ADAMTSL1: variants seen among roughly 807,000 people sequenced by gnomAD.
ADAMTSL1 encodes the protein ADAMTS like 1.
ADAMTSL1 carries 126 observed loss-of-function variants against 201.8 expected under a neutral mutation model. The ratio of observed to expected loss-of-function variants is 0.62; its 90% CI spans 0.54 to 0.72. The LOEUF (loss-of-function observed/expected upper bound fraction) is 0.72. Ranked by LOEUF, ADAMTSL1 falls within the 30% of genes least tolerant of loss-of-function variation. The pLI is 0.00. For missense variants in ADAMTSL1, 2,679 were observed against 2,277.8 expected, an observed-to-expected ratio of 1.18 and a Z score of -3.59; for synonymous variants, 1,121 against 903.4, an observed-to-expected ratio of 1.24 and a Z score of -4.32.
chr9:18,803,638 G>A (rs1822933979), intron 20 of ADAMTSL1, among the ~76,000 whole-genome samples: 1 of 152,078 alleles, frequency 6.6e-6, no homozygotes, highest in South Asian at 2.1e-4. Flanking sequence ...ACTTTCTCAC[G>A]ATTTTAGAGA....
chr9:17,989,698 C>T lies in ADAMTSL1; in HGVS notation c.87+82776C>T, dbSNP rs148460726. On this transcript the variant is annotated intron_variant, in intron 1 of 29. Coordinates refer to the ADAMTSL1 transcript ENST00000680146. ...GTATTATCACTTTTTAAAATATTTG[C>T]CACTTTCGTAGGCAAAATATTTACT... Among the ~76,000 whole-genome samples the T allele has an allele frequency of 2.0e-5, 3 of 151,998 alleles. No individual in the cohort carries two copies. In the East Asian group the frequency reaches 5.8e-4, roughly 29 times the overall value.
intron 1 of ADAMTSL1, among the ~76,000 whole-genome samples, chr9:18,127,748 T>C (rs1239558866): frequency 6.6e-6 from 1 of 152,110 alleles, no homozygotes; most frequent in Non-Finnish European, 1.5e-5. Context: ...TGTGTGTTGG[T>C]TTGGCAGCAC....
rs145930253 is a variant in ADAMTSL1 at position 18,376,124 on chromosome 9, G to T, written c.208-128705G>T. ...TCTTCTGTTCCAGAAATAATATTCTGCAGAAACTTCCCATGCAGTAAATAA... is the reference window on the plus strand; with the variant it reads ...TCTTCTGTTCCAGAAATAATATTCTTCAGAAACTTCCCATGCAGTAAATAA... On this transcript the variant is annotated intron_variant, in intron 2 of 29. Coordinates refer to the ADAMTSL1 transcript ENST00000680146. Among the ~76,000 whole-genome samples the T allele has an allele frequency of 1.9e-3, 292 of 152,272 alleles. 3 individuals are homozygous for T. The highest frequency in any genetic ancestry group is 6.7e-3 in the African/African-American group (277 of 41,546).
intron 2 of ADAMTSL1, among the ~76,000 whole-genome samples, chr9:18,325,267 C>T (rs1834785651): frequency 6.6e-6 from 1 of 152,216 alleles, no homozygotes; most frequent in African/African-American, 2.4e-5. Flanking sequence ...GAAAACATAA[C>T]ATCCACAAAA....
At chr9:18,642,522 C>G (rs1365297472) in intron 7 of ADAMTSL1, among the ~76,000 whole-genome samples, 1 of 151,820 alleles carries the variant, frequency 6.6e-6, no homozygotes, top group Non-Finnish European at 1.5e-5. Context: ...AGGTAGATCT[C>G]CTGAACTTAT....
intron 4 of ADAMTSL1, among the ~76,000 whole-genome samples, chr9:18,605,615 A>G (rs1824960199): frequency 6.6e-6 from 1 of 152,182 alleles, no homozygotes; most frequent in Admixed American, 6.5e-5. Flanking sequence ...CAGGCCTCAG[A>G]TGAGTTTCCC....
At chr9:18,033,612 CCTTTG>C (rs1437001042) in intron 1 of ADAMTSL1, among the ~76,000 whole-genome samples, 10 of 152,182 alleles carry the variant, frequency 6.6e-5, no homozygotes, top group Non-Finnish European at 1.3e-4. Context: ...TGGTAACCAT[CCTTTG>C]ATACAGAAAT....
chr9:18,121,944 C>G (rs1430914205), intron 1 of ADAMTSL1, among the ~76,000 whole-genome samples: 1 of 152,134 alleles, frequency 6.6e-6, no homozygotes, highest in African/African-American at 2.4e-5. Flanking sequence ...CAGCCCCTAG[C>G]CACCACTGAC....
At chr9:18,278,666 T>C (rs557336008) in intron 2 of ADAMTSL1, among the ~76,000 whole-genome samples, 2 of 152,316 alleles carry the variant, frequency 1.3e-5, no homozygotes, top group East Asian at 3.9e-4. Context: ...TTGAGTTCTT[T>C]TGGGCTTCAT....
At chr9:18,299,859 C>G (rs1833630512) in intron 2 of ADAMTSL1, among the ~76,000 whole-genome samples, 1 of 152,158 alleles carries the variant, frequency 6.6e-6, no homozygotes, top group Non-Finnish European at 1.5e-5. Context: ...TTTCAAAATA[C>G]CAGGAAAGTC....
At chr9:18,305,517 G>A (rs567978151) in intron 2 of ADAMTSL1, among the ~76,000 whole-genome samples, 1 of 152,280 alleles carries the variant, frequency 6.6e-6, no homozygotes, top group South Asian at 2.1e-4. Context: ...CAAGCTTGGT[G>A]GGGGGAGGGG....
At chr9:18,531,261 C>G (rs1387475237) in intron 2 of ADAMTSL1, among the ~76,000 whole-genome samples, 1 of 152,190 alleles carries the variant, frequency 6.6e-6, no homozygotes, top group East Asian at 1.9e-4. Context: ...CCAGATCACT[C>G]TTGGCAAGTA....
rs1830120105 is a variant in ADAMTSL1 at position 18,903,438 on chromosome 9, T to A, written c.4852-2344T>A. Among the ~76,000 whole-genome samples the A allele has an allele frequency of 2.0e-5, 3 of 152,198 alleles. No individual in the cohort carries two copies. In the South Asian group the frequency reaches 6.2e-4, roughly 32 times the overall value. Reference sequence around the variant, plus strand: ...GTTTTAAAAGTTAAGTCTCAGTGGTTACATGTGCAGATGAGGAAAGAGACT... The same window carrying A: ...GTTTTAAAAGTTAAGTCTCAGTGGTAACATGTGCAGATGAGGAAAGAGACT... On this transcript the variant is annotated intron_variant, in intron 26 of 28. Coordinates refer to ENST00000380548, the MANE Select transcript of ADAMTSL1 (RefSeq NM_001040272.6).
At chr9:18,127,455 G>A (rs1227892431) in intron 1 of ADAMTSL1, among the ~76,000 whole-genome samples, 1 of 148,958 alleles carries the variant, frequency 6.7e-6, no homozygotes, top group Non-Finnish European at 1.5e-5. Flanking sequence ...CTGTGTGTGG[G>A]GTGGTGCATG....
At chr9:18,886,596 C>G (rs543633963) in intron 23 of ADAMTSL1, among the ~76,000 whole-genome samples, 1 of 152,158 alleles carries the variant, frequency 6.6e-6, no homozygotes, top group Non-Finnish European at 1.5e-5. Context: ...GATTTGATAT[C>G]GGTGAGGGCT....
At chr9:18,362,724 CT>C (rs1156477923) in intron 2 of ADAMTSL1, among the ~76,000 whole-genome samples, 1 of 152,186 alleles carries the variant, frequency 6.6e-6, no homozygotes, top group East Asian at 1.9e-4. Context: ...ATTTCCTTCT[CT>C]GAATGAGTCT....
At chr9:18,380,298 A>T (rs573652461) in intron 2 of ADAMTSL1, among the ~76,000 whole-genome samples, 1 of 152,336 alleles carries the variant, frequency 6.6e-6, no homozygotes, top group Non-Finnish European at 1.5e-5. Flanking sequence ...AGAAACTGGA[A>T]GATTTAGAAT....
At chr9:18,511,626 G>A (rs542142110) in intron 2 of ADAMTSL1, among the ~76,000 whole-genome samples, 2 of 152,178 alleles carry the variant, frequency 1.3e-5, no homozygotes, top group South Asian at 2.1e-4. Flanking sequence ...TTAGTCCACA[G>A]GAATAGGAAA....
At chr9:18,146,447 G>A (rs929163994) in intron 1 of ADAMTSL1, among the ~76,000 whole-genome samples, 14 of 152,086 alleles carry the variant, frequency 9.2e-5, no homozygotes, top group East Asian at 1.9e-4. Flanking sequence ...ACATATTGCC[G>A]AGAAAAAGAA....
Sources: allele counts gnomAD v4.1 joint callset (sites outside exome capture counted in the v4.1 genomes callset), GRCh38; gene constraint gnomAD v4.1.1; transcripts MANE v1.5; gene names NCBI Gene and HGNC (gene_info 2026-07-23, HGNC 2026-07-21).